Variants in ARID4B observed in about 807,000 individuals in gnomAD.
The protein encoded by ARID4B is AT-rich interactive domain-containing protein 4B.
A neutral mutation model predicts 147.5 loss-of-function variants in ARID4B; 26 were observed. The ratio of observed to expected loss-of-function variants is 0.18; its 90% CI spans 0.13 to 0.24. The LOEUF (loss-of-function observed/expected upper bound fraction) is 0.24, where lower values mean the gene tolerates loss of function less well. ARID4B is among the 10% of genes least tolerant of loss of function. The pLI, the probability that ARID4B is intolerant of heterozygous loss-of-function variation, is 1.00. For missense variants in ARID4B, 1,179 were observed against 1,511.5 expected (o/e 0.78, Z 3.65); for synonymous variants, 512 against 507.9 (o/e 1.01, Z -0.11).
At chr1:235,298,302 G>A (rs528408827) in intron 2 of ARID4B, among the ~76,000 whole-genome samples, 4 of 151,986 alleles carry the variant, frequency 2.6e-5, no homozygotes, top group African/African-American at 9.6e-5. Context: ...TTTTAAAGCT[G>A]TATCACCAGC....
chr1:235,200,593 T>C (rs12737933), intron 17 of ARID4B, among the ~76,000 whole-genome samples: 41,736 of 152,140 alleles, frequency 0.27, 7,237 homozygotes, highest in South Asian at 0.53. Context: ...AAAGCAATAT[T>C]AGTGGGTCAA....
At chr1:235,195,964 A>C (rs1665463241) in intron 18 of ARID4B, 67 bp downstream of exon 18, 2 of 918,076 alleles carry the variant, frequency 2.2e-6, no homozygotes, top group Admixed American at 2.2e-5. Flanking sequence ...ACACATATTT[A>C]ATTGCATCAT....
intron 2 of ARID4B, among the ~76,000 whole-genome samples, chr1:235,310,961 G>C (rs115322035): frequency 3.3e-5 from 5 of 152,006 alleles, no homozygotes; most frequent in Non-Finnish European, 1.5e-5. Context: ...ATAAGCCACC[G>C]CACCCGGCCC....
intron 14 of ARID4B, 86 bp from the exon 15 acceptor site, chr1:235,220,631 T>A: frequency 9.4e-7 from 1 of 1,066,394 alleles, no homozygotes; most frequent in Non-Finnish European, 1.3e-6. Flanking sequence ...TCATTTCTTT[T>A]GTCTAAACTC....
chr1:235,319,418 A>G (rs1674666076), intron 2 of ARID4B, among the ~76,000 whole-genome samples: 1 of 152,208 alleles, frequency 6.6e-6, no homozygotes, highest in South Asian at 2.1e-4. Flanking sequence ...AGGTTGAAGC[A>G]GGATCACATG....
chr1:235,304,208 C>A lies in ARID4B; in HGVS notation c.6+22706G>T, dbSNP rs149323683. On this transcript the variant is annotated intron_variant, in intron 2 of 23. Coordinates refer to ENST00000264183, the MANE Select transcript of ARID4B (RefSeq NM_016374.6). ...CTGCCTCTACAAAAAACTTGCCAGG[C>A]GTGGTGGCATACACCTGTAGTCTCA... 4.8e-3 allele frequency among the ~76,000 whole-genome samples: 723 copies of A among 151,992 alleles called. 2 individuals carry two copies. Among genetic ancestry groups the A allele is most frequent in the Middle Eastern group, 0.027 (8 of 294 alleles).
chr1:235,308,237 C>G (rs543675999), intron 2 of ARID4B, among the ~76,000 whole-genome samples: 2 of 150,650 alleles, frequency 1.3e-5, no homozygotes, highest in Non-Finnish European at 3.0e-5. Context: ...TAGCTGGGAC[C>G]AGAAGCACAT....
chr1:235,212,748 T>G (rs757570273), intron 17 of ARID4B, among the ~76,000 whole-genome samples: 3 of 152,200 alleles, frequency 2.0e-5, no homozygotes, highest in Non-Finnish European at 4.4e-5. Flanking sequence ...AGTGATTTTC[T>G]TTAGAGAAAG....
intron 5 of ARID4B, among the ~76,000 whole-genome samples, chr1:235,253,080 T>A (rs975388593): frequency 1.3e-5 from 2 of 152,204 alleles, no homozygotes; most frequent in Non-Finnish European, 2.9e-5. Context: ...GAAGTTGGTA[T>A]TTCAAGAGGA....
At chr1:235,252,597 T>A (rs1373231914) in intron 6 of ARID4B, 133 bp downstream of exon 6, 7 of 606,570 alleles carry the variant, frequency 1.2e-5, no homozygotes, top group African/African-American at 1.9e-5. Flanking sequence ...GCTTCACAGA[T>A]TACATCATAA....
intron 2 of ARID4B, among the ~76,000 whole-genome samples, chr1:235,308,017 A>C (rs1401905752): frequency 6.6e-6 from 1 of 151,790 alleles, no homozygotes; most frequent in African/African-American, 2.4e-5. Flanking sequence ...CAAGCTAGCA[A>C]AGTTCTCCCA....
rs550435273 is a variant in ARID4B, at chr1:235,226,583, G to A, written c.898-1808C>T. The stretch of plus-strand genomic sequence containing the variant: ...GTCACCCAGGCTGGAGTGCAGTGGC[G>A]TGATCTCGGCTCACTGCAAGCTCCG... On this transcript the variant is annotated intron_variant, in intron 11 of 23. Coordinates refer to ENST00000264183, the MANE Select transcript of ARID4B (RefSeq NM_016374.6). 5.1e-3 allele frequency among the ~76,000 whole-genome samples: 771 copies of A among 151,830 alleles called. 4 individuals carry two copies. The highest frequency in any genetic ancestry group is 0.027 in the Middle Eastern group (8 of 294).
At chr1:235,238,153 A>AAAAAAAAAAAGAAAAG (rs61179792) in intron 8 of ARID4B, among the ~76,000 whole-genome samples, 9 of 141,754 alleles carry the variant, frequency 6.3e-5, no homozygotes, top group South Asian at 2.1e-4. Flanking sequence ...CAAAAAAAAA[A>AAAAAAAAAAAGAAAAG]AAAAGAAAAG....
intron 16 of ARID4B, among the ~76,000 whole-genome samples, chr1:235,215,261 A>G (rs1253748962): frequency 6.6e-6 from 1 of 152,060 alleles, no homozygotes; most frequent in African/African-American, 2.4e-5. Flanking sequence ...TCAATCATAA[A>G]TCTTTCCAAA....
At chr1:235,179,525 CAAAAAAAA>C (rs61143006) in intron 20 of ARID4B, among the ~76,000 whole-genome samples, 6 of 48,370 alleles carry the variant, frequency 1.2e-4, no homozygotes, top group East Asian at 2.9e-3. Flanking sequence ...CTCTATGTCT[CAAAAAAAA>C]AAAAAAAAAA....
chr1:235,284,053 A>G (rs1001633684), intron 2 of ARID4B, among the ~76,000 whole-genome samples: 2 of 152,126 alleles, frequency 1.3e-5, no homozygotes. Context: ...TACATTTAAA[A>G]CAAATCAACA....
chr1:235,300,964 C>T (rs556059735), intron 2 of ARID4B, among the ~76,000 whole-genome samples: 9 of 152,026 alleles, frequency 5.9e-5, no homozygotes, highest in African/African-American at 2.2e-4. Flanking sequence ...ATCTGCCTGC[C>T]TCGGCCTCCC....
chr1:235,172,727 T>C lies in ARID4B; in HGVS notation c.3702A>G (p.Thr1234=). 1 of 1,604,956 alleles carries C rather than the reference T, an allele frequency of 6.2e-7. No individual in the cohort carries two copies. ...LENMTSAERI[T]ILQEKLQEIR... The stretch of plus-strand genomic sequence containing the variant: ...TTTCTTGAAGTTTTTCTTGAAGAAT[T>C]GTGATGCGTTCGGCACTTGTCATAT... Residue 1234 remains threonine (T), a synonymous_variant, in exon 23 of 24, where the codon ACA becomes ACG. Transcript: ENST00000264183.
At chr1:235,190,606 T>G (rs1665027539) in intron 19 of ARID4B, among the ~76,000 whole-genome samples, 1 of 152,110 alleles carries the variant, frequency 6.6e-6, no homozygotes, top group South Asian at 2.1e-4. Context: ...AATAAAATAC[T>G]GAAGGAAAAA....
Sources: gnomAD v4.1 joint callset for allele counts (sites outside exome capture counted in the v4.1 genomes callset) on GRCh38, gnomAD v4.1.1 for gene constraint, MANE v1.5 for transcripts, NCBI Gene and HGNC (gene_info 2026-07-23, HGNC 2026-07-21) for gene names.